SIL1: variants seen among roughly 807,000 people sequenced by gnomAD.
The protein encoded by SIL1 is SIL1 nucleotide exchange factor.
A neutral mutation model predicts 49.1 loss-of-function variants in SIL1; 40 were observed. The observed-to-expected ratio is 0.81, with a 90% CI of 0.63 to 1.06. SIL1 has a LOEUF of 1.06. Ranked by LOEUF, SIL1 falls within the 50% of genes least tolerant of loss-of-function variation. The pLI, the probability that SIL1 is intolerant of heterozygous loss-of-function variation, is 0.00. For missense variants in SIL1, 500 were observed against 572.6 expected (o/e 0.87, Z 1.29); for synonymous variants, 253 against 250.8 (o/e 1.01, Z -0.08).
chr5:139,084,778 G>A (rs1295787397), intron 3 of SIL1, among the ~76,000 whole-genome samples: 1 of 149,880 alleles, frequency 6.7e-6, no homozygotes. Context: ...AAAACTTAGA[G>A]TATAATAAAA....
chr5:139,135,076 TAGTC>T (rs1463020935), intron 1 of SIL1, among the ~76,000 whole-genome samples: 2 of 152,148 alleles, frequency 1.3e-5, no homozygotes, highest in African/African-American at 2.4e-5. Context: ...AAGTTTGTAA[TAGTC>T]AGGCAAACAA....
intron 1 of SIL1, among the ~76,000 whole-genome samples, chr5:139,145,468 C>G (rs1751172644): frequency 6.6e-6 from 1 of 152,112 alleles, no homozygotes; most frequent in African/African-American, 2.4e-5. Flanking sequence ...CAATTCTTTG[C>G]TTAAGTAGAT....
chr5:139,152,771 C>A (rs77147920), intron 1 of SIL1, among the ~76,000 whole-genome samples: 1 of 152,188 alleles, frequency 6.6e-6, no homozygotes, highest in African/African-American at 2.4e-5. Context: ...TACTCGCAAC[C>A]TGCCACCATC....
intron 1 of SIL1, among the ~76,000 whole-genome samples, chr5:139,159,102 A>C (rs1482538365): frequency 1.3e-5 from 2 of 150,200 alleles, no homozygotes; most frequent in African/African-American, 2.4e-5. Flanking sequence ...AAAGAGAGAG[A>C]GGGAAAAAAA....
intron 3 of SIL1, among the ~76,000 whole-genome samples, chr5:139,084,939 T>C (rs911270389): frequency 2.6e-5 from 4 of 152,218 alleles, no homozygotes; most frequent in African/African-American, 7.2e-5. Flanking sequence ...TTATCACTAA[T>C]AATTTTTTCT....
chr5:139,182,749 T>C (rs555665008), intron 1 of SIL1, among the ~76,000 whole-genome samples: 2 of 152,188 alleles, frequency 1.3e-5, no homozygotes, highest in East Asian at 1.9e-4. Flanking sequence ...ACCATGTATA[T>C]ATCTGAAAAA....
At chr5:139,036,840 C>T (rs1768924754) in intron 5 of SIL1, among the ~76,000 whole-genome samples, 1 of 152,010 alleles carries the variant, frequency 6.6e-6, no homozygotes, top group South Asian at 2.1e-4. Context: ...TACCCCTGAA[C>T]TTAAAAGTTA....
chr5:139,126,074 A>G (rs1056555129), intron 2 of SIL1, among the ~76,000 whole-genome samples: 4 of 152,106 alleles, frequency 2.6e-5, no homozygotes, highest in African/African-American at 9.7e-5. Flanking sequence ...CCCCATTTTC[A>G]CTGTTGTGAA....
intron 1 of SIL1, among the ~76,000 whole-genome samples, chr5:139,182,283 G>A (rs1024463370): frequency 7.2e-5 from 11 of 152,128 alleles, no homozygotes; most frequent in Middle Eastern, 3.2e-3. Flanking sequence ...TTAATATGAC[G>A]CAACACGGAA....
intron 1 of SIL1, among the ~76,000 whole-genome samples, chr5:139,128,736 G>A (rs777771549): frequency 1.3e-5 from 2 of 152,094 alleles, no homozygotes; most frequent in Non-Finnish European, 2.9e-5. Context: ...GTTAACAACA[G>A]TACTACCCAA....
Position 138,976,853 on chromosome 5 carries a change from T to G in SIL1, c.768-24969A>C, listed in dbSNP as rs62381221. Among the ~76,000 whole-genome samples the G allele has an allele frequency of 7.9e-5, 12 of 152,204 alleles. No homozygotes were observed. In the East Asian group the frequency reaches 2.1e-3, roughly 27 times the overall value. On this transcript the variant is annotated intron_variant, in intron 7 of 9. Coordinates refer to ENST00000394817, the MANE Select transcript of SIL1 (RefSeq NM_022464.5). ...TATATATGAAATTAAAAAAAAAATT[T>G]GTAGGGCAAGCAAAGCTCTAATCAT...
chr5:139,110,753 G>C (rs570006739), intron 3 of SIL1, among the ~76,000 whole-genome samples: 44 of 152,336 alleles, frequency 2.9e-4, no homozygotes, highest in African/African-American at 1.0e-3. Context: ...CACTGCCAGG[G>C]CCTCAAAGAG....
At chr5:139,196,144 T>TA (rs1331080854) in intron 1 of SIL1, among the ~76,000 whole-genome samples, 1 of 152,160 alleles carries the variant, frequency 6.6e-6, no homozygotes, top group Non-Finnish European at 1.5e-5. Flanking sequence ...GAGCTATGAT[T>TA]ATGCCACTGC....
At chr5:139,087,090 C>T (rs1770240298) in intron 3 of SIL1, among the ~76,000 whole-genome samples, 1 of 152,114 alleles carries the variant, frequency 6.6e-6, no homozygotes, top group African/African-American at 2.4e-5. Flanking sequence ...ACCACAGCCT[C>T]CACAAATAGT....
At chr5:139,074,823 TTTTTTA>T (rs1341087645) in intron 3 of SIL1, among the ~76,000 whole-genome samples, 3 of 151,800 alleles carry the variant, frequency 2.0e-5, no homozygotes, top group Middle Eastern at 3.4e-3. Flanking sequence ...TCTCTCTGTC[TTTTTTA>T]TTTTTATTTT....
intron 3 of SIL1, among the ~76,000 whole-genome samples, chr5:139,091,741 C>CACAGGCTGGCCAACACCCTGGTT (rs1770346942): frequency 1.3e-5 from 2 of 152,224 alleles, no homozygotes; most frequent in Admixed American, 6.5e-5. Context: ...CAGAAAGGGA[C>CACAGGCTGGCCAACACCCTGGTT]ACAGGCTGGC....
At chr5:139,069,539 T>G (rs1047234760) in intron 3 of SIL1, among the ~76,000 whole-genome samples, 1 of 152,106 alleles carries the variant, frequency 6.6e-6, no homozygotes, top group African/African-American at 2.4e-5. Context: ...AAAAACCATG[T>G]TTCTTTTTAA....
chr5:139,038,977 C>T (rs1182898281), intron 5 of SIL1, among the ~76,000 whole-genome samples: 2 of 152,168 alleles, frequency 1.3e-5, no homozygotes, highest in African/African-American at 4.8e-5. Flanking sequence ...ATTCAAGTTC[C>T]CTGCTTAGCC....
At chr5:139,112,879 T>G (rs1358723501) in intron 3 of SIL1, among the ~76,000 whole-genome samples, 2 of 152,174 alleles carry the variant, frequency 1.3e-5, no homozygotes. Flanking sequence ...GGGGAAAAGA[T>G]AGAGAAATCA....
Sources: gnomAD v4.1 joint callset for allele counts (sites outside exome capture counted in the v4.1 genomes callset) on GRCh38, gnomAD v4.1.1 for gene constraint, MANE v1.5 for transcripts, NCBI Gene and HGNC (gene_info 2026-07-23, HGNC 2026-07-21) for gene names.